The following SLC22A9 variants were observed in gnomAD, a reference collection of about 807,000 sequenced individuals.
SLC22A9 encodes the protein organic anion transporter 7.
A neutral mutation model predicts 50.1 loss-of-function variants in SLC22A9; 64 were observed. That is an observed-to-expected ratio of 1.28 (90% CI 1.04 to 1.57). The LOEUF is 1.57. Among genes scored for constraint, SLC22A9 ranks in the 40% most tolerant of loss-of-function variants. The pLI, the probability that SLC22A9 is intolerant of heterozygous loss-of-function variation, is 0.00. For synonymous variants in SLC22A9, 261 were observed against 242.5 expected, an observed-to-expected ratio of 1.08 and a Z score of -0.71; for missense variants, 757 against 676.1, an observed-to-expected ratio of 1.12 and a Z score of -1.33.
At chr11:63,376,136 AG>A (rs1027623847) in intron 5 of SLC22A9, among the ~76,000 whole-genome samples, 1 of 152,128 alleles carries the variant, frequency 6.6e-6, no homozygotes, top group Non-Finnish European at 1.5e-5. Flanking sequence ...AGCCAGAGGA[AG>A]GGTTAGTGAG....
intron 6 of SLC22A9, among the ~76,000 whole-genome samples, chr11:63,399,710 T>G (rs1242346187): frequency 6.6e-6 from 1 of 152,112 alleles, no homozygotes; most frequent in East Asian, 1.9e-4. Flanking sequence ...TAATAAATTT[T>G]TACAGAACAT....
chr11:63,385,106 G>GTTTTTTTTTT (rs149124193), intron 6 of SLC22A9, among the ~76,000 whole-genome samples: 53 of 76,524 alleles, frequency 6.9e-4, no homozygotes, highest in East Asian at 8.4e-4. Flanking sequence ...TGATGATACA[G>GTTTTTTTTTT]TTTTTTTTTT....
At chr11:63,373,135 CT>C (rs5792283) in intron 2 of SLC22A9, among the ~76,000 whole-genome samples, 211 of 135,070 alleles carry the variant, frequency 1.6e-3, no homozygotes, top group African/African-American at 5.2e-3. Context: ...TTTTTTTTTT[CT>C]TTTTTTTTTT....
At chr11:63,391,698 T>G (rs2014766533) in intron 6 of SLC22A9, among the ~76,000 whole-genome samples, 2 of 152,068 alleles carry the variant, frequency 1.3e-5, no homozygotes, top group South Asian at 4.1e-4. Context: ...GTATATCTTT[T>G]TAAATACAGT....
chr11:63,385,442 A>G (rs1565184634), intron 6 of SLC22A9, among the ~76,000 whole-genome samples: 1 of 152,060 alleles, frequency 6.6e-6, no homozygotes. Context: ...ATGTTTTTCC[A>G]TCTGCTTGTG....
intron 6 of SLC22A9, among the ~76,000 whole-genome samples, chr11:63,385,951 AT>A (rs1251779512): frequency 1.3e-5 from 2 of 152,130 alleles, no homozygotes; most frequent in South Asian, 4.1e-4. Flanking sequence ...GGCTCTTATA[AT>A]TTTAAGGTAT....
At chr11:63,389,304 G>A (rs1446374577) in intron 6 of SLC22A9, among the ~76,000 whole-genome samples, 12 of 151,808 alleles carry the variant, frequency 7.9e-5, no homozygotes. Context: ...CATGCATTAG[G>A]TATTTGTCTT....
intron 6 of SLC22A9, among the ~76,000 whole-genome samples, chr11:63,399,182 G>A (rs1384241866): frequency 1.3e-5 from 2 of 151,932 alleles, no homozygotes; most frequent in Admixed American, 1.3e-4. Flanking sequence ...ATAACAAAAC[G>A]GCAGTTATAA....
chr11:63,408,532 TA>T lies in SLC22A9; in HGVS notation c.1398-140del, dbSNP rs1246606665. On this transcript the variant is annotated intron_variant, in intron 8 of 9. Transcript: ENST00000279178. ...AACTGAAAAATTAATTGCTAGCAAA[TA>T]AAAGTGAAAATTTCAAACACAGGAG... 7.8e-6 allele frequency: 6 copies of T among 771,694 alleles called. No homozygotes were observed. The East Asian group carries it at 1.3e-4, about 17-fold the overall frequency. 47.8% of individuals were successfully genotyped at this position (771,694 alleles called of 1,614,324 possible).
chr11:63,371,312 T>G, intron 2 of SLC22A9, 74 bp downstream of exon 2: 1 of 1,183,224 alleles, frequency 8.5e-7, no homozygotes, highest in Non-Finnish European at 1.2e-6. Context: ...TCATCTAGAA[T>G]TACTTACTGC....
At chr11:63,392,270 C>G (rs987606495) in intron 6 of SLC22A9, among the ~76,000 whole-genome samples, 4 of 151,966 alleles carry the variant, frequency 2.6e-5, no homozygotes, top group Non-Finnish European at 5.9e-5. Flanking sequence ...CAGTGTTATA[C>G]TATTCTGTGT....
At chr11:63,398,694 G>C (rs995801072) in intron 6 of SLC22A9, among the ~76,000 whole-genome samples, 2 of 150,830 alleles carry the variant, frequency 1.3e-5, no homozygotes, top group African/African-American at 5.0e-5. Flanking sequence ...GCCACTGCTG[G>C]GAGATGGGCA....
chr11:63,393,394 C>G (rs1238075777), intron 6 of SLC22A9, among the ~76,000 whole-genome samples: 2 of 152,068 alleles, frequency 1.3e-5, no homozygotes, highest in Non-Finnish European at 2.9e-5. Flanking sequence ...CTGGAGGAGT[C>G]TCTAGTGTTT....
chr11:63,408,308 G>C, intron 8 of SLC22A9, 88 bp downstream of exon 8: 1 of 996,946 alleles, frequency 1.0e-6, no homozygotes, highest in Non-Finnish European at 1.6e-6. Flanking sequence ...TCTAAGACTG[G>C]TTCATTAAGA....
In SLC22A9 at chr11:63,408,194, A is replaced by C; in HGVS notation, c.1371A>C (p.Gly457=). The C allele has an allele frequency of 6.2e-7, 1 of 1,613,676 alleles. No homozygotes were observed. Among genetic ancestry groups the C allele is most frequent in the Non-Finnish European group, 8.5e-7 (1 of 1,179,712 alleles). ...ALANTLAFAH[G]NEVIPTIIRA... ...CCAATACCCTTGCTTTTGCCCATGG[A>C]AATGAAGTAATTCCCACCATAATCA... Residue 457 remains glycine (G), a synonymous_variant, in exon 8 of 10, where the codon GGA becomes GGC. Transcript: ENST00000279178.
intron 6 of SLC22A9, among the ~76,000 whole-genome samples, chr11:63,402,487 G>A (rs1195588917): frequency 1.3e-5 from 2 of 151,842 alleles, no homozygotes; most frequent in Non-Finnish European, 2.9e-5. Flanking sequence ...CTGCTCTTAT[G>A]CCAGTATCAT....
At position 63,371,130 on chromosome 11, in the gene SLC22A9, T is replaced by C. The variant is rs576241559; in HGVS notation, c.403-5T>C. On this transcript the variant is annotated splice_polypyrimidine_tract_variant and splice_region_variant and intron_variant, in intron 1 of 9. Transcript: ENST00000279178. The stretch of plus-strand genomic sequence containing the variant: ...CATTGATGTGCTGGCTTCCTTCTCT[T>C]CCAGTGGGATCTGGTATGTGACTCT... 44 of 1,608,874 alleles carry C rather than the reference T, an allele frequency of 2.7e-5. No homozygotes were observed. The highest frequency in any genetic ancestry group is 3.6e-5 in the Non-Finnish European group (42 of 1,175,736).
At chr11:63,382,675 C>T (rs915920630) in intron 6 of SLC22A9, among the ~76,000 whole-genome samples, 11 of 151,958 alleles carry the variant, frequency 7.2e-5, no homozygotes, top group Admixed American at 1.3e-4. Flanking sequence ...GATCAAGGTA[C>T]ATAAAAACCT....
chr11:63,409,711 C>T, intron 9 of SLC22A9, 91 bp from the exon 10 acceptor site: 2 of 1,305,324 alleles, frequency 1.5e-6, no homozygotes, highest in Admixed American at 2.0e-5. Flanking sequence ...GACAAAGAAT[C>T]AACATTCCTT....
Sources: allele counts gnomAD v4.1 joint callset (sites outside exome capture counted in the v4.1 genomes callset), GRCh38; gene constraint gnomAD v4.1.1; transcripts MANE v1.5; gene names NCBI Gene and HGNC (gene_info 2026-07-23, HGNC 2026-07-21).